Variants in FAH observed in about 807,000 individuals in gnomAD.
The protein encoded by FAH is fumarylacetoacetate hydrolase, also known as fumarylacetoacetase.
Under a neutral mutation model 55.8 loss-of-function variants are expected in FAH, and 47 were observed. The observed-to-expected ratio is 0.84, with a 90% confidence interval of 0.67 to 1.07. The LOEUF is 1.07. Ranked by LOEUF, FAH falls within the 50% of genes least tolerant of loss-of-function variation. FAH has a pLI of 0.00. For missense variants in FAH, 495 were observed against 545.9 expected, an observed-to-expected ratio of 0.91 and a Z score of 0.93; for synonymous variants, 199 against 207.7, an observed-to-expected ratio of 0.96 and a Z score of 0.36.
intron 5 of FAH, among the ~76,000 whole-genome samples, chr15:80,165,489 T>C (rs2041184065): frequency 6.7e-6 from 1 of 149,426 alleles, no homozygotes; most frequent in Non-Finnish European, 1.5e-5. Flanking sequence ...GGTTGTGCCG[T>C]TGCACTCCAG....
At chr15:80,180,470 G>A in intron 12 of FAH, 1 of 538,438 alleles carries the variant, frequency 1.9e-6, no homozygotes, top group South Asian at 2.0e-5. Context: ...GAGCAGCGCA[G>A]TGACACGTGG....
At chr15:80,153,605 C>T (rs1305127678) in intron 1 of FAH, among the ~76,000 whole-genome samples, 1 of 152,098 alleles carries the variant, frequency 6.6e-6, no homozygotes, top group Non-Finnish European at 1.5e-5. Flanking sequence ...GGGGCACGCG[C>T]GTTTCTTGGC....
At chr15:80,162,458 A>G in intron 5 of FAH, 122 bp downstream of exon 5, 2 of 852,942 alleles carry the variant, frequency 2.3e-6, no homozygotes, top group Non-Finnish European at 4.0e-6. Context: ...AGCAGTTATG[A>G]TGTTGCAACC....
intron 1 of FAH, chr15:80,156,901 T>C (rs1373247406): frequency 6.6e-6 from 1 of 152,544 alleles, no homozygotes; most frequent in African/African-American, 2.4e-5. Context: ...TGTGACCCCA[T>C]TTTGGAAGTT....
Position 80,160,566 on chromosome 15 carries a change from G to A in FAH, c.364+107G>A, listed in dbSNP as rs553590486. 1.5e-5 allele frequency: 16 copies of A among 1,093,196 alleles called. No homozygotes were observed. The South Asian group carries it at 1.5e-4, about 10-fold the overall frequency. The allele number at this position is 1,093,196 out of a possible 1,614,324, so 67.7% of individuals were successfully genotyped here. A position where few individuals can be genotyped will look rare whatever the true frequency, so the allele number is the denominator to read the frequency against. On this transcript the variant is annotated intron_variant, in intron 4 of 13. Transcript: ENST00000561421. ...CTGTGTGGAGGGTCCCTGCTGGTGGGGGGAGATGGAGGAGGGGCTCTGGGG... is the reference window on the plus strand; with the variant it reads ...CTGTGTGGAGGGTCCCTGCTGGTGGAGGGAGATGGAGGAGGGGCTCTGGGG...
At chr15:80,160,086 CA>C in intron 3 of FAH, 1 of 705,858 alleles carries the variant, frequency 1.4e-6, no homozygotes, top group Non-Finnish European at 2.4e-6. Context: ...TGGAGCTGCC[CA>C]AGCTAGGCCA....
chr15:80,173,214 T>G, intron 9 of FAH, 70 bp downstream of exon 9: 2 of 1,602,346 alleles, frequency 1.2e-6, no homozygotes, highest in South Asian at 2.2e-5. Context: ...GCCCACTGAG[T>G]GGACATGCCA....
chr15:80,158,057 T>C lies in FAH; in HGVS notation c.82-3T>C, dbSNP rs368921640. 7 of 1,612,330 alleles carry C rather than the reference T, an allele frequency of 4.3e-6. No individual in the cohort carries two copies. The African/African-American group carries it at 9.3e-5, about 22-fold the overall frequency. Reference sequence around the variant, plus strand: ...GGTGCTGACGGTGTCGTCTTCCTCCTAGCCAAGACCGAGGATAGGTGTGGC... The same window carrying C: ...GGTGCTGACGGTGTCGTCTTCCTCCCAGCCAAGACCGAGGATAGGTGTGGC... On this transcript the variant is annotated splice_region_variant and splice_polypyrimidine_tract_variant and intron_variant, in intron 1 of 13. Coordinates refer to ENST00000561421, the MANE Select transcript of FAH (RefSeq NM_000137.4).
At chr15:80,186,030 C>A in intron 13 of FAH, 100 bp from the exon 14 acceptor site, 2 of 895,206 alleles carry the variant, frequency 2.2e-6, no homozygotes, top group Non-Finnish European at 3.8e-6. Context: ...ACCTTCCTGC[C>A]TCGGGCCAGC....
rs558039456 is a variant in FAH, at chr15:80,181,330, G to A, written c.1180+171G>A. On this transcript the variant is annotated intron_variant, in intron 13 of 13. Transcript: ENST00000561421. ...TCCTTCCCCACAGCTATGGCTACCC[G>A]GGACTTCAAGTGTGAGTCTCCCTAG... is the stretch of plus-strand genomic sequence containing the variant. Among the ~76,000 whole-genome samples the A allele has an allele frequency of 8.9e-4, 135 of 152,218 alleles. No individual in the cohort carries two copies. In the Middle Eastern group the frequency reaches 0.017, roughly 19 times the overall value.
At chr15:80,158,847 C>A (rs1025534577) in intron 2 of FAH, among the ~76,000 whole-genome samples, 1 of 152,186 alleles carries the variant, frequency 6.6e-6, no homozygotes, top group Non-Finnish European at 1.5e-5. Flanking sequence ...TTTTCCCAAG[C>A]TGCACAGCTA....
chr15:80,175,235 A>AGGAGG (rs1405769718), intron 10 of FAH, 144 bp downstream of exon 10: 5 of 775,876 alleles, frequency 6.4e-6, no homozygotes, highest in Admixed American at 2.0e-5. Flanking sequence ...TAAAGGAAAG[A>AGGAGG]GGAGGGGAGG....
chr15:80,156,046 T>C lies in FAH; in HGVS notation c.82-2014T>C, dbSNP rs1418699743. ...TGACTGCGGGCAGGCCTGGATAATA[T>C]CCAGCCTCCTACAGGAAGCTGGTGG... On this transcript the variant is annotated intron_variant, in intron 1 of 13. Coordinates refer to ENST00000561421, the MANE Select transcript of FAH (RefSeq NM_000137.4). 8.7e-5 allele frequency: 30 copies of C among 345,086 alleles called. No individual in the cohort carries two copies. The Admixed American group carries it at 9.1e-4, about 10-fold the overall frequency. 21.4% of individuals were successfully genotyped at this position (345,086 alleles called of 1,614,324 possible).
At chr15:80,152,957 G>A (rs2041063315), upstream of FAH, 2 of 1,066,096 alleles carry the variant, frequency 1.9e-6, no homozygotes, top group Admixed American at 3.6e-5. Flanking sequence ...CGTGGGGGCG[G>A]GCAGGGGGGC....
intron 13 of FAH, among the ~76,000 whole-genome samples, 170 bp downstream of exon 13, chr15:80,181,329 C>T (rs774760630): frequency 4.6e-5 from 7 of 152,128 alleles, no homozygotes; most frequent in African/African-American, 7.2e-5. Context: ...TATGGCTACC[C>T]GGGACTTCAA....
chr15:80,185,692 G>A (rs947304445), intron 13 of FAH, among the ~76,000 whole-genome samples: 4 of 152,168 alleles, frequency 2.6e-5, no homozygotes, highest in African/African-American at 4.8e-5. Flanking sequence ...AGGAGAAACC[G>A]CTTATAAAAA....
Position 80,172,167 on chromosome 15 carries a change from G to A in FAH, c.625G>A (p.Gly209Arg), listed in dbSNP as rs1453930526. 1.2e-6 allele frequency: 2 copies of A among 1,613,896 alleles called. No homozygotes were observed. The highest frequency in any genetic ancestry group is 1.1e-5 in the South Asian group (1 of 91,084). Residue 209 changes from glycine to arginine, a missense_variant, in exon 8 of 14, where the codon GGA (glycine) becomes AGA (arginine). Coordinates refer to ENST00000561421, the MANE Select transcript of FAH (RefSeq NM_000137.4). ...ATGTAAGGCTTTTTTTGTAGGCCCT[G>A]GAAACAGATTGGGAGAGCCGATCCC... Reference protein sequence around the residue: ...ELEMAFFVGPGNRLGEPIPIS... With the variant: ...ELEMAFFVGPRNRLGEPIPIS...
chr15:80,170,406 TC>T (rs1160916978), intron 7 of FAH, among the ~76,000 whole-genome samples: 1 of 152,120 alleles, frequency 6.6e-6, no homozygotes, highest in Non-Finnish European at 1.5e-5. Context: ...TTTCTGGAGC[TC>T]CCTGTCTCTC....
In FAH at chr15:80,186,297, C is replaced by T. The variant is rs113381157; in HGVS notation, c.*88C>T. 0.026 allele frequency: 27,248 copies of T among 1,066,174 alleles called. 2,255 individuals carry two copies. Among genetic ancestry groups the T allele is most frequent in the East Asian group, 0.22 (9,210 of 42,134 alleles). 66.0% of individuals were successfully genotyped at this position (1,066,174 alleles called of 1,614,324 possible). A position where few individuals can be genotyped will look rare whatever the true frequency, so the allele number is the denominator to read the frequency against. On this transcript the variant is annotated 3_prime_UTR_variant, in exon 14 of 14. Coordinates refer to ENST00000561421, the MANE Select transcript of FAH (RefSeq NM_000137.4). The stretch of plus-strand genomic sequence containing the variant: ...TCCTCCCTCGGGCTGTAGGCCTGGT[C>T]CGCCATTCAGTGACAAATAAAGCCA...
Sources: gnomAD v4.1 joint callset for allele counts (sites outside exome capture counted in the v4.1 genomes callset) on GRCh38, gnomAD v4.1.1 for gene constraint, MANE v1.5 for transcripts, NCBI Gene and HGNC (gene_info 2026-07-23, HGNC 2026-07-21) for gene names.